The following CPNE4 variants were observed in gnomAD, a reference collection of about 807,000 sequenced individuals.
CPNE4 encodes the protein copine 4.
In CPNE4, 25 loss-of-function variants were observed where a neutral mutation model predicts 67.9. The observed-to-expected ratio is 0.37, with a 90% CI of 0.27 to 0.51. CPNE4 has a LOEUF of 0.51. Ranked by LOEUF, CPNE4 falls within the 20% of genes least tolerant of loss-of-function variation. The pLI, the probability that CPNE4 is intolerant of heterozygous loss-of-function variation, is 0.93. For missense variants in CPNE4, 464 were observed against 690.8 expected, an observed-to-expected ratio of 0.67 and a Z score of 3.68; for synonymous variants, 242 against 244.9, an observed-to-expected ratio of 0.99 and a Z score of 0.11.
intron 1 of CPNE4, among the ~76,000 whole-genome samples, chr3:132,002,149 C>T (rs74652732): frequency 0.025 from 3,831 of 152,238 alleles, 164 homozygotes; most frequent in African/African-American, 0.087. Flanking sequence ...GTGATAGCCC[C>T]CATGTCTGCT....
rs1222241641 is a variant in CPNE4, at chr3:131,542,811, A to G, written c.1303-18T>C. 7.0e-6 allele frequency: 10 copies of G among 1,421,780 alleles called. No homozygotes were observed. The highest frequency in any genetic ancestry group is 2.7e-5 in the African/African-American group (1 of 36,672). The allele number at this position is 1,421,780 out of a possible 1,614,324, so 88.1% of individuals were successfully genotyped here. Reference sequence around the variant, plus strand: ...AAGTATTGCTGCAGTCAGATGCCCCATGATGATGGGGGGGGGTGAAGAGGT... The same window carrying G: ...AAGTATTGCTGCAGTCAGATGCCCCGTGATGATGGGGGGGGGTGAAGAGGT... On this transcript the variant is annotated intron_variant, in intron 14 of 15. Coordinates refer to ENST00000429747, the MANE Select transcript of CPNE4 (RefSeq NM_130808.3).
intron 8 of CPNE4, among the ~76,000 whole-genome samples, chr3:131,584,517 T>A (rs921145549): frequency 6.6e-6 from 1 of 152,184 alleles, no homozygotes; most frequent in Non-Finnish European, 1.5e-5. Flanking sequence ...AATTTATCTA[T>A]CTCTATGACT....
intron 2 of CPNE4, among the ~76,000 whole-genome samples, chr3:131,742,183 A>G (rs546283391): frequency 4.6e-5 from 7 of 152,300 alleles, no homozygotes; most frequent in Non-Finnish European, 5.9e-5. Flanking sequence ...AGTAAAGCCA[A>G]TTGCCTTCTC....
intron 3 of CPNE4, among the ~76,000 whole-genome samples, chr3:131,710,951 G>T (rs2081542776): frequency 6.6e-6 from 1 of 152,154 alleles, no homozygotes; most frequent in Non-Finnish European, 1.5e-5. Context: ...TTGGCCTAGT[G>T]ATGATAATAA....
At chr3:131,829,251 G>A (rs1240122242) in intron 2 of CPNE4, among the ~76,000 whole-genome samples, 2 of 152,218 alleles carry the variant, frequency 1.3e-5, no homozygotes, top group Non-Finnish European at 2.9e-5. Flanking sequence ...TGACATTTGG[G>A]TGGGGACACA....
chr3:131,773,351 A>ATTATTTAT (rs61694682), intron 2 of CPNE4, among the ~76,000 whole-genome samples: 108,922 of 151,274 alleles, frequency 0.72, 39,324 homozygotes, highest in East Asian at 0.83. Context: ...AGTTTTATTT[A>ATTATTTAT]TTATTTATTT....
intron 1 of CPNE4, among the ~76,000 whole-genome samples, chr3:132,023,446 A>C (rs986680640): frequency 1.3e-5 from 2 of 148,674 alleles, no homozygotes; most frequent in Non-Finnish European, 3.0e-5. Context: ...AAAGATTTAA[A>C]TATTTCAAAA....
chr3:131,727,766 C>T (rs1583093102), intron 2 of CPNE4, among the ~76,000 whole-genome samples: 1 of 152,208 alleles, frequency 6.6e-6, no homozygotes, highest in Non-Finnish European at 1.5e-5. Flanking sequence ...ACCTTCCCTC[C>T]TTCCATTCCC....
In CPNE4 at chr3:131,723,504, TTGC is replaced by T; in HGVS notation, c.299_301del (p.Ser100del). 1 of 1,613,850 alleles carries T rather than the reference TTGC, an allele frequency of 6.2e-7. No homozygotes were observed. Among genetic ancestry groups the T allele is most frequent in the South Asian group, 1.1e-5 (1 of 91,064 alleles). ...GTCGGCCTCCTTCAGCCCATTGTGG[TTGC>T]TGCTGATGTCATGGACTTCAAACCG... On this transcript the variant is annotated inframe_deletion, in exon 3 of 16. Transcript: ENST00000429747.
chr3:131,777,628 C>T (rs2083323653), intron 2 of CPNE4, among the ~76,000 whole-genome samples: 1 of 152,042 alleles, frequency 6.6e-6, no homozygotes, highest in South Asian at 2.1e-4. Flanking sequence ...GGGCGGTTGT[C>T]TCATCAATAG....
rs1408726345 is a variant in CPNE4, at chr3:131,971,456, T to A, written c.-2+63111A>T. On this transcript the variant is annotated intron_variant, in intron 1 of 15. Transcript: ENST00000429747. ...ATAGAACCACAATCTCTTCAACGCT[T>A]CTCTGATTCCCTAAGATATCATTAG... Among the ~76,000 whole-genome samples, 5 of 152,280 alleles carry A rather than the reference T, an allele frequency of 3.3e-5. No individual in the cohort carries two copies. In the East Asian group the frequency reaches 9.6e-4, roughly 29 times the overall value.
chr3:131,838,252 T>C lies in CPNE4; in HGVS notation c.180+67012A>G, dbSNP rs1364222632. 2.6e-5 allele frequency among the ~76,000 whole-genome samples: 4 copies of C among 151,996 alleles called. No individual in the cohort carries two copies. The South Asian group carries it at 8.3e-4, about 32-fold the overall frequency. On this transcript the variant is annotated intron_variant, in intron 2 of 15. Transcript: ENST00000429747. ...ATAAGACATTCATGTTGACTCTTTCTATGCAAATGGATATTTTAAAGGCTT... is the reference window on the plus strand; with the variant it reads ...ATAAGACATTCATGTTGACTCTTTCCATGCAAATGGATATTTTAAAGGCTT...
intron 5 of CPNE4, among the ~76,000 whole-genome samples, chr3:131,686,345 T>A (rs1238582747): frequency 1.3e-5 from 2 of 152,250 alleles, no homozygotes; most frequent in Admixed American, 6.5e-5. Flanking sequence ...TTATAGTTAT[T>A]TTAATGCCTA....
intron 1 of CPNE4, among the ~76,000 whole-genome samples, chr3:131,972,956 T>C (rs530311143): frequency 6.6e-6 from 1 of 152,302 alleles, no homozygotes; most frequent in South Asian, 2.1e-4. Flanking sequence ...AGCTTTCTCA[T>C]ATATTTTTTT....
chr3:131,806,533 G>T (rs1470676797), intron 2 of CPNE4, among the ~76,000 whole-genome samples: 1 of 133,800 alleles, frequency 7.5e-6, no homozygotes, highest in Non-Finnish European at 1.5e-5. Context: ...CTGGGTGACA[G>T]AGTGAGACTC....
At chr3:131,762,442 C>T (rs1393855002) in intron 2 of CPNE4, among the ~76,000 whole-genome samples, 1 of 152,056 alleles carries the variant, frequency 6.6e-6, no homozygotes, top group African/African-American at 2.4e-5. Flanking sequence ...AACTGAGGGT[C>T]ATAGTGATTA....
intron 7 of CPNE4, among the ~76,000 whole-genome samples, chr3:131,645,259 A>G (rs2079636819): frequency 6.6e-6 from 1 of 152,244 alleles, no homozygotes; most frequent in Admixed American, 6.5e-5. Context: ...ATAACTAGTT[A>G]CAGATAATAT....
chr3:131,630,157 A>G (rs1210341031), intron 7 of CPNE4, among the ~76,000 whole-genome samples: 2 of 152,270 alleles, frequency 1.3e-5, no homozygotes, highest in Admixed American at 6.5e-5. Flanking sequence ...CCTGCAACAC[A>G]GGATACGAAT....
chr3:131,617,470 C>T (rs746818589), intron 7 of CPNE4, among the ~76,000 whole-genome samples: 31 of 152,248 alleles, frequency 2.0e-4, no homozygotes, highest in Non-Finnish European at 4.4e-4. Flanking sequence ...AGCTAAAGAT[C>T]GGAGGTGAGG....
Sources: gnomAD v4.1 joint callset for allele counts (sites outside exome capture counted in the v4.1 genomes callset) on GRCh38, gnomAD v4.1.1 for gene constraint, MANE v1.5 for transcripts, NCBI Gene and HGNC (gene_info 2026-07-23, HGNC 2026-07-21) for gene names.